Variants in SHTN1 observed in about 807,000 individuals in gnomAD.
SHTN1 encodes the protein shootin 1.
In SHTN1, 42 loss-of-function variants were observed where a neutral mutation model predicts 83.1. The observed-to-expected ratio is 0.51, with a 90% CI of 0.39 to 0.65. SHTN1 has a LOEUF of 0.65. SHTN1 is among the 30% of genes least tolerant of loss of function. SHTN1 has a pLI of 0.00. For synonymous variants in SHTN1, 224 were observed against 247.7 expected (o/e 0.90, Z 0.90); for missense variants, 622 against 737.8 (o/e 0.84, Z 1.82).
At chr10:117,013,872 T>C (rs1852142400) in intron 2 of SHTN1, among the ~76,000 whole-genome samples, 1 of 152,188 alleles carries the variant, frequency 6.6e-6, no homozygotes, top group African/African-American at 2.4e-5. Context: ...AAGATGTCCC[T>C]CAATAGGTGA....
intron 1 of SHTN1, among the ~76,000 whole-genome samples, chr10:116,979,764 T>C (rs969900855): frequency 1.3e-5 from 2 of 152,252 alleles, no homozygotes; most frequent in Non-Finnish European, 1.5e-5. Flanking sequence ...AGGTGTTCCC[T>C]GAAGTTCCTC....
At chr10:117,084,289 T>C (rs1445590832) in intron 1 of SHTN1, among the ~76,000 whole-genome samples, 4 of 152,080 alleles carry the variant, frequency 2.6e-5, no homozygotes, top group Admixed American at 6.5e-5. Flanking sequence ...TGCAGGTCTG[T>C]TGGAGTACCC....
intron 16 of SHTN1, 45 bp from the exon 17 acceptor site, chr10:116,886,611 G>T: frequency 6.2e-7 from 1 of 1,606,736 alleles, no homozygotes; most frequent in South Asian, 1.1e-5. Flanking sequence ...AGCAGAGAGA[G>T]AAAATAGTTG....
At chr10:117,099,084 G>T (rs1203539130) in intron 1 of SHTN1, among the ~76,000 whole-genome samples, 1 of 150,324 alleles carries the variant, frequency 6.7e-6, no homozygotes, top group African/African-American at 2.4e-5. Context: ...GCAACCACTT[G>T]AATAGAGCTG....
At chr10:117,070,576 C>T (rs1461090015) in intron 1 of SHTN1, among the ~76,000 whole-genome samples, 2 of 151,780 alleles carry the variant, frequency 1.3e-5, no homozygotes, top group East Asian at 1.9e-4. Flanking sequence ...CTATCTCTAA[C>T]AATAAAAAAT....
intron 2 of SHTN1, among the ~76,000 whole-genome samples, chr10:117,038,438 C>A (rs901685417): frequency 3.9e-5 from 6 of 151,934 alleles, no homozygotes; most frequent in African/African-American, 1.2e-4. Context: ...ATGCACCCAG[C>A]CGCAATGACT....
chr10:117,056,442 T>C (rs1289804361), intron 1 of SHTN1, among the ~76,000 whole-genome samples: 10 of 152,214 alleles, frequency 6.6e-5, no homozygotes, highest in Admixed American at 6.5e-4. Context: ...ACCCTATCAA[T>C]GGGCTGAAGG....
At chr10:116,911,643 T>C in intron 14 of SHTN1, 147 bp downstream of exon 14, 1 of 1,560,900 alleles carries the variant, frequency 6.4e-7, no homozygotes, top group Non-Finnish European at 8.7e-7. Context: ...GAGCAGTCTG[T>C]AAGCACGATC....
At chr10:116,937,789 T>C (rs746027355) in intron 9 of SHTN1, among the ~76,000 whole-genome samples, 24 of 152,262 alleles carry the variant, frequency 1.6e-4, no homozygotes, top group Non-Finnish European at 3.2e-4. Flanking sequence ...CCTATCACTT[T>C]CCAGTACACC....
chr10:116,936,502 T>C (rs975050639), intron 9 of SHTN1, among the ~76,000 whole-genome samples: 5 of 152,176 alleles, frequency 3.3e-5, no homozygotes, highest in African/African-American at 1.2e-4. Flanking sequence ...TTAATCCTGA[T>C]TTCTAATTTG....
At chr10:117,097,026 C>G (rs1359179218) in intron 1 of SHTN1, among the ~76,000 whole-genome samples, 1 of 122,480 alleles carries the variant, frequency 8.2e-6, no homozygotes, top group East Asian at 2.3e-4. Flanking sequence ...CACACACACA[C>G]ATAGACACAC....
intron 1 of SHTN1, among the ~76,000 whole-genome samples, chr10:117,065,348 G>A (rs1792644940): frequency 6.6e-6 from 1 of 152,092 alleles, no homozygotes; most frequent in South Asian, 2.1e-4. Context: ...AGAAAAGTGT[G>A]TTAATGGAGA....
rs551584768 is a variant in SHTN1 at position 116,985,038 on chromosome 10, TTCATGCAAAA to T, written c.59-5740_59-5731del. Among the ~76,000 whole-genome samples, 112 of 152,330 alleles carry T rather than the reference TTCATGCAAAA, an allele frequency of 7.4e-4. 2 individuals are homozygous for T. The South Asian group carries it at 0.022, about 30-fold the overall frequency. ...CTTCTAAGAAGCCTTCCCCATATAC[TTCATGCAAAA>T]TCAGCAGGTTTATCTTAATATACCA... On this transcript the variant is annotated intron_variant, in intron 1 of 16. Transcript: ENST00000355371.
intron 12 of SHTN1, among the ~76,000 whole-genome samples, chr10:116,915,767 C>G (rs1013901255): frequency 2.0e-5 from 3 of 152,142 alleles, no homozygotes; most frequent in African/African-American, 7.2e-5. Flanking sequence ...AGACTTTGTT[C>G]GTTTGTCCAC....
At position 117,025,700 on chromosome 10, in the gene SHTN1, T is replaced by G. The variant is rs760409768; in HGVS notation, c.-123+22745A>C. Among the ~76,000 whole-genome samples, 159 of 152,092 alleles carry G rather than the reference T, an allele frequency of 1.0e-3. 3 individuals are homozygous for G. Among genetic ancestry groups the G allele is most frequent in the Non-Finnish European group, 1.2e-3 (84 of 68,014 alleles). On this transcript the variant is annotated intron_variant, in intron 2 of 17. Coordinates refer to the SHTN1 transcript ENST00000392901. The stretch of plus-strand genomic sequence containing the variant: ...GGAGAGGGAAAAGTGGGGAGAACTT[T>G]GTCTTGCATCTTGGATACCAGCTCA...
chr10:117,000,735 T>C (rs1851795140), intron 1 of SHTN1, among the ~76,000 whole-genome samples: 1 of 152,222 alleles, frequency 6.6e-6, no homozygotes, highest in Non-Finnish European at 1.5e-5. Context: ...CCTCCAATCT[T>C]TGCAGGGGCT....
Position 116,894,235 on chromosome 10 carries a change from T to C in SHTN1, c.1673+7530A>G, listed in dbSNP as rs116911366. 4.6e-5 allele frequency among the ~76,000 whole-genome samples: 7 copies of C among 152,370 alleles called. No homozygotes were observed. In the East Asian group the frequency reaches 9.6e-4, roughly 21 times the overall value. ...AATTTGTGTGGGGCCAAAAGTCACA[T>C]GTATTTAGAGATACCACAGACATAG... On this transcript the variant is annotated intron_variant, in intron 16 of 16. Coordinates refer to ENST00000355371, the MANE Select transcript of SHTN1 (RefSeq NM_001127211.3).
chr10:117,110,933 AT>A (rs1462602588), intron 1 of SHTN1, among the ~76,000 whole-genome samples: 1 of 152,164 alleles, frequency 6.6e-6, no homozygotes, highest in East Asian at 1.9e-4. Context: ...GTAATGGCTC[AT>A]GCCTGTAATC....
At chr10:117,047,075 T>A (rs1374783375) in intron 2 of SHTN1, among the ~76,000 whole-genome samples, 1 of 152,072 alleles carries the variant, frequency 6.6e-6, no homozygotes, top group African/African-American at 2.4e-5. Flanking sequence ...AAAATATATA[T>A]ATTTTTTGAG....
Sources: gnomAD v4.1 joint callset for allele counts (sites outside exome capture counted in the v4.1 genomes callset) on GRCh38, gnomAD v4.1.1 for gene constraint, MANE v1.5 for transcripts, NCBI Gene and HGNC (gene_info 2026-07-23, HGNC 2026-07-21) for gene names.